Variants in MED27 observed in about 807,000 individuals in gnomAD.
MED27 encodes the protein mediator of RNA polymerase II transcription subunit 27.
In MED27, 30 loss-of-function variants were observed where a neutral mutation model predicts 38.2. That is an observed-to-expected ratio of 0.79 (90% confidence interval 0.59 to 1.07). The LOEUF (loss-of-function observed/expected upper bound fraction) is 1.07. Ranked by LOEUF, MED27 falls within the 50% of genes least tolerant of loss-of-function variation. MED27 has a pLI of 0.00. For synonymous variants in MED27, 122 were observed against 153.5 expected (o/e 0.79, Z 1.52); for missense variants, 289 against 397.5 (o/e 0.73, Z 2.32).
At chr9:131,936,725 G>A (rs1830693374) in intron 4 of MED27, among the ~76,000 whole-genome samples, 1 of 152,220 alleles carries the variant, frequency 6.6e-6, no homozygotes, top group Non-Finnish European at 1.5e-5. Context: ...ATTAATCACT[G>A]AGTCTGATGC....
At chr9:131,901,043 AG>A (rs1395608750) in intron 4 of MED27, among the ~76,000 whole-genome samples, 1 of 120,870 alleles carries the variant, frequency 8.3e-6, no homozygotes, top group African/African-American at 3.2e-5. Context: ...AGAAAGAAAG[AG>A]GGGGAGAGAG....
intron 2 of MED27, among the ~76,000 whole-genome samples, chr9:132,052,974 C>A (rs1833496310): frequency 6.6e-6 from 1 of 151,526 alleles, no homozygotes; most frequent in Admixed American, 6.6e-5. Flanking sequence ...CTGCTCAGGG[C>A]TGGGCGGGGT....
chr9:132,005,252 GA>G (rs1832334183), intron 3 of MED27, among the ~76,000 whole-genome samples: 1 of 152,210 alleles, frequency 6.6e-6, no homozygotes, highest in African/African-American at 2.4e-5. Flanking sequence ...TAAGGAAGAT[GA>G]TCCCATACCC....
intron 3 of MED27, among the ~76,000 whole-genome samples, chr9:132,011,517 TG>T (rs1437308840): frequency 6.6e-6 from 1 of 152,046 alleles, no homozygotes; most frequent in African/African-American, 2.4e-5. Context: ...GGAAGTGCAA[TG>T]GGGCGGGACG....
At chr9:131,878,640 T>G (rs187661616) in intron 6 of MED27, among the ~76,000 whole-genome samples, 1 of 152,268 alleles carries the variant, frequency 6.6e-6, no homozygotes, top group African/African-American at 2.4e-5. Context: ...GACAATGCAG[T>G]GAGTAGCTGT....
At chr9:131,970,321 G>A (rs1038098123) in intron 3 of MED27, among the ~76,000 whole-genome samples, 2 of 152,248 alleles carry the variant, frequency 1.3e-5, no homozygotes, top group African/African-American at 4.8e-5. Context: ...GGCCTGGCAG[G>A]GCCACCAGCA....
At chr9:132,052,026 AC>A (rs2131137080) in intron 2 of MED27, among the ~76,000 whole-genome samples, 1 of 152,338 alleles carries the variant, frequency 6.6e-6, no homozygotes, top group South Asian at 2.1e-4. Context: ...TCAATCCGTG[AC>A]TTGCCTCATC....
intron 3 of MED27, among the ~76,000 whole-genome samples, chr9:131,954,633 T>C (rs973288245): frequency 6.6e-6 from 1 of 152,068 alleles, no homozygotes; most frequent in Admixed American, 6.6e-5. Context: ...AGAAAGAAAG[T>C]GAATCAATTT....
chr9:131,978,953 T>C (rs894208962), intron 3 of MED27, among the ~76,000 whole-genome samples: 2 of 152,246 alleles, frequency 1.3e-5, no homozygotes, highest in African/African-American at 4.8e-5. Context: ...TTGCTCTTCC[T>C]TTATACTACA....
At chr9:132,059,259 G>C (rs763164182) in intron 2 of MED27, among the ~76,000 whole-genome samples, 39 of 152,192 alleles carry the variant, frequency 2.6e-4, no homozygotes, top group African/African-American at 9.4e-4. Context: ...TGGTATCTCA[G>C]AGAGGGCAAG....
intron 6 of MED27, among the ~76,000 whole-genome samples, chr9:131,870,506 G>A (rs1838812854): frequency 6.6e-6 from 1 of 152,206 alleles, no homozygotes; most frequent in Non-Finnish European, 1.5e-5. Context: ...CTAAGTCACA[G>A]GGAGGTTAAG....
intron 6 of MED27, among the ~76,000 whole-genome samples, chr9:131,878,584 C>A (rs1412780301): frequency 3.3e-5 from 5 of 152,090 alleles, no homozygotes; most frequent in Non-Finnish European, 7.3e-5. Flanking sequence ...CCTGCCTAAC[C>A]TGGGTGGTAC....
chr9:131,920,073 A>T (rs191851600), intron 4 of MED27, among the ~76,000 whole-genome samples: 3 of 152,260 alleles, frequency 2.0e-5, no homozygotes, highest in Admixed American at 2.0e-4. Flanking sequence ...AGCCTCCTAA[A>T]GTGCTGGGAT....
At chr9:131,967,007 A>G (rs2131007680) in intron 3 of MED27, among the ~76,000 whole-genome samples, 1 of 152,370 alleles carries the variant, frequency 6.6e-6, no homozygotes, top group South Asian at 2.1e-4. Flanking sequence ...AAAGAGGAAC[A>G]ATACTATTTC....
intron 2 of MED27, among the ~76,000 whole-genome samples, chr9:132,072,632 T>A (rs1833966018): frequency 6.6e-6 from 1 of 152,024 alleles, no homozygotes; most frequent in African/African-American, 2.4e-5. Flanking sequence ...ACAGCCAAAC[T>A]CACTACGCTA....
intron 4 of MED27, among the ~76,000 whole-genome samples, chr9:131,912,513 A>C (rs1453625082): frequency 6.6e-6 from 1 of 152,170 alleles, no homozygotes; most frequent in Non-Finnish European, 1.5e-5. Context: ...GCAGGCAAAA[A>C]GGTGACAGCA....
At chr9:132,054,866 T>G (rs972201685) in intron 2 of MED27, among the ~76,000 whole-genome samples, 2 of 152,214 alleles carry the variant, frequency 1.3e-5, no homozygotes, top group African/African-American at 4.8e-5. Context: ...ACCTGGAATA[T>G]TCTCCTGCCC....
At chr9:131,975,205 G>A (rs2131019414) in intron 3 of MED27, among the ~76,000 whole-genome samples, 1 of 152,312 alleles carries the variant, frequency 6.6e-6, no homozygotes, top group Non-Finnish European at 1.5e-5. Context: ...CAAAAGGAAT[G>A]TATCTCCAAT....
chr9:131,870,288 C>T (rs975243950), intron 6 of MED27, among the ~76,000 whole-genome samples: 1 of 152,194 alleles, frequency 6.6e-6, no homozygotes, highest in Non-Finnish European at 1.5e-5. Context: ...GGAGCCCAGC[C>T]TCTGGATCTG....
Sources: allele counts gnomAD v4.1 joint callset (sites outside exome capture counted in the v4.1 genomes callset), GRCh38; gene constraint gnomAD v4.1.1; transcripts MANE v1.5; gene names NCBI Gene and HGNC (gene_info 2026-07-23, HGNC 2026-07-21).